The following YWHAB variants were observed in gnomAD, a reference collection of about 807,000 sequenced individuals.
YWHAB encodes the protein tyrosine 3-monooxygenase/tryptophan 5-monooxygenase activation protein beta, also known as 14-3-3 protein beta/alpha.
A neutral mutation model predicts 28.5 loss-of-function variants in YWHAB; 2 were observed. The ratio of observed to expected loss-of-function variants is 0.07; its 90% CI spans 0.03 to 0.22. The LOEUF (loss-of-function observed/expected upper bound fraction) is 0.22. Among genes scored for constraint, YWHAB ranks in the 10% least tolerant of loss-of-function variants. The pLI is 1.00. For synonymous variants in YWHAB, 103 were observed against 104.7 expected (o/e 0.98, Z 0.10); for missense variants, 148 against 297.1 (o/e 0.50, Z 3.69).
In YWHAB at chr20:44,901,618, A is replaced by C. The variant is rs923525230; in HGVS notation, c.85A>C (p.Lys29Gln). ...ATATGATGATATGGCTGCAGCCATG[A>C]AGGCAGTCACAGAACAGGGGCATGA... ...ERYDDMAAAMKAVTEQGHELS... is the reference protein window; with the variant it reads ...ERYDDMAAAMQAVTEQGHELS... Residue 29 changes from lysine to glutamine, a missense_variant, in exon 2 of 6, where the codon AAG becomes CAG. Physicochemically the swap from Lys to Gln is moderately conservative, Grantham distance 53 (BLOSUM62 1). Around this residue, in one of 2 missense-constraint regions of YWHAB, gnomAD observed 110 missense variants for 177.9 expected, o/e 0.62. Coordinates refer to ENST00000353703, the MANE Select transcript of YWHAB (RefSeq NM_139323.4). 1.9e-6 allele frequency: 3 copies of C among 1,614,056 alleles called. No individual in the cohort carries two copies. The African/African-American group carries it at 4.0e-5, about 22-fold the overall frequency.
intron 2 of YWHAB, chr20:44,902,145 C>T (rs1275636478): frequency 3.9e-6 from 1 of 254,504 alleles, no homozygotes; most frequent in African/African-American, 2.2e-5. Context: ...ATAGATACAG[C>T]TACAGATAGG....
chr20:44,888,148 A>G (rs1048072712), intron 1 of YWHAB, among the ~76,000 whole-genome samples: 4 of 152,260 alleles, frequency 2.6e-5, no homozygotes, highest in African/African-American at 4.8e-5. Context: ...TTGGGGTTCA[A>G]TAGATGTTAT....
At chr20:44,886,139 C>A (rs2066525861) in intron 1 of YWHAB, 2 of 152,318 alleles carry the variant, frequency 1.3e-5, no homozygotes, top group Non-Finnish European at 2.9e-5. Context: ...GGGTGCAACT[C>A]CGTACTGTGC....
intron 3 of YWHAB, among the ~76,000 whole-genome samples, chr20:44,904,533 A>G (rs552345213): frequency 1.4e-4 from 22 of 152,108 alleles, no homozygotes; most frequent in Non-Finnish European, 2.9e-4. Context: ...CTCTTCACAC[A>G]GCCTTACGAG....
Position 44,885,808 on chromosome 20 carries a change from T to C in YWHAB, c.-82T>C. On this transcript the variant is annotated 5_prime_UTR_variant, in exon 1 of 6. Coordinates refer to ENST00000353703, the MANE Select transcript of YWHAB (RefSeq NM_139323.4). ...GCAGGCACCGCTGCCGCCGCCTGAGTAGTGGGCTTAGGAAGGAAGAGGTCA... is the reference window on the plus strand; with the variant it reads ...GCAGGCACCGCTGCCGCCGCCTGAGCAGTGGGCTTAGGAAGGAAGAGGTCA... 1 of 166,350 alleles carries C rather than the reference T, an allele frequency of 6.0e-6. No homozygotes were observed. Among genetic ancestry groups the C allele is most frequent in the Non-Finnish European group, 1.3e-5 (1 of 77,368 alleles). 10.3% of individuals were successfully genotyped at this position (166,350 alleles called of 1,614,324 possible). A position where few individuals can be genotyped will look rare whatever the true frequency, so the allele number is the denominator to read the frequency against.
At chr20:44,887,157 A>G (rs990961529) in intron 1 of YWHAB, 3 of 152,038 alleles carry the variant, frequency 2.0e-5, no homozygotes, top group Non-Finnish European at 2.9e-5. Flanking sequence ...AGTGTACCCT[A>G]TTTCTTACTT....
At chr20:44,905,213 A>C in intron 4 of YWHAB, 82 bp downstream of exon 4, 129 of 1,426,022 alleles carry the variant, frequency 9.0e-5, no homozygotes, top group Middle Eastern at 1.8e-4. Context: ...GAACATACTC[A>C]TTGTCTTGGA....
intron 4 of YWHAB, 21 bp downstream of exon 4, chr20:44,905,152 T>A (rs1287806463): frequency 1.3e-6 from 2 of 1,590,836 alleles, no homozygotes; most frequent in Non-Finnish European, 1.7e-6. Context: ...CCCTTTGTGA[T>A]ATCTAACCAT....
At chr20:44,891,102 C>T (rs896440732) in intron 1 of YWHAB, among the ~76,000 whole-genome samples, 1 of 151,924 alleles carries the variant, frequency 6.6e-6, no homozygotes, top group African/African-American at 2.4e-5. Context: ...TTACAGGAAC[C>T]CTAGTAAGTA....
At chr20:44,891,646 TCA>T (rs200037216) in intron 1 of YWHAB, among the ~76,000 whole-genome samples, 1,370 of 133,738 alleles carry the variant, frequency 0.01, 17 homozygotes, top group African/African-American at 0.034. Flanking sequence ...TACCATTAAG[TCA>T]CATGTGTAAC....
intron 1 of YWHAB, chr20:44,886,098 T>C (rs1343510426): frequency 6.6e-6 from 1 of 152,208 alleles, no homozygotes; most frequent in Non-Finnish European, 1.5e-5. Flanking sequence ...TTGGAGAGGC[T>C]CGGGCCGCCT....
At chr20:44,901,417 A>G (rs2066625617) in intron 1 of YWHAB, 114 bp from the exon 2 acceptor site, 1 of 1,062,566 alleles carries the variant, frequency 9.4e-7, no homozygotes, top group Non-Finnish European at 1.4e-6. Context: ...TTGGAATGAG[A>G]TGTTTCACAT....
In YWHAB at chr20:44,901,706, G is replaced by A. The variant is rs11556823; in HGVS notation, c.173G>A (p.Arg58His). The part of the protein sequence containing the change: ...VAYKNVVGAR[R>H]SSWRVISSIE... ...TACAAGAATGTGGTAGGCGCCCGCC[G>A]CTCTTCCTGGCGTGTCATCTCCAGC... The change falls in exon 2 of 6, where the codon CGC (arginine) becomes CAC (histidine). Residue 58 changes from arginine (R) to histidine (H), a missense_variant. Physicochemically the swap from Arg to His is conservative, Grantham distance 29 (BLOSUM62 0). Around this residue, in one of 2 missense-constraint regions of YWHAB, gnomAD observed 110 missense variants for 177.9 expected, o/e 0.62. Coordinates refer to ENST00000353703, the MANE Select transcript of YWHAB (RefSeq NM_139323.4). 1 of 1,614,084 alleles carries A rather than the reference G, an allele frequency of 6.2e-7. No homozygotes were observed. The highest frequency in any genetic ancestry group is 1.3e-5 in the African/African-American group (1 of 75,052).
At chr20:44,891,031 T>G (rs1319744211) in intron 1 of YWHAB, among the ~76,000 whole-genome samples, 2 of 152,244 alleles carry the variant, frequency 1.3e-5, no homozygotes, top group African/African-American at 4.8e-5. Context: ...TTGTGTGGAA[T>G]GTACTGTGGT....
At chr20:44,892,300 A>G (rs1178420297) in intron 1 of YWHAB, among the ~76,000 whole-genome samples, 2 of 152,144 alleles carry the variant, frequency 1.3e-5, no homozygotes, top group Admixed American at 6.5e-5. Flanking sequence ...AAAAACATAC[A>G]TGCACTTTAT....
intron 5 of YWHAB, 73 bp downstream of exon 5, chr20:44,906,169 G>T: frequency 7.6e-7 from 1 of 1,315,534 alleles, no homozygotes; most frequent in Non-Finnish European, 1.1e-6. Flanking sequence ...TTATCTTCAA[G>T]AGGGGATTTG....
At chr20:44,904,869 C>G in intron 3 of YWHAB, 99 bp from the exon 4 acceptor site, 1 of 1,237,594 alleles carries the variant, frequency 8.1e-7, no homozygotes, top group Non-Finnish European at 1.1e-6. Flanking sequence ...GTCATTGCTC[C>G]TGCCCAGTTT....
At position 44,889,112 on chromosome 20, in the gene YWHAB, A is replaced by G. The variant is rs1186861654; in HGVS notation, c.-4+3226A>G. Among the ~76,000 whole-genome samples the G allele has an allele frequency of 2.6e-5, 4 of 152,190 alleles. No individual in the cohort carries two copies. In the South Asian group the frequency reaches 8.3e-4, roughly 31 times the overall value. On this transcript the variant is annotated intron_variant, in intron 1 of 5. Transcript: ENST00000353703. ...TACATTTTTCTAGGGAAAGATGACA[A>G]TTCACTAGTTAAGGGGCAAGAAATT...
At chr20:44,890,155 G>A (rs2066551930) in intron 1 of YWHAB, among the ~76,000 whole-genome samples, 1 of 152,130 alleles carries the variant, frequency 6.6e-6, no homozygotes, top group African/African-American at 2.4e-5. Context: ...TTTGTATAGC[G>A]AACTGATTGG....
Sources: allele counts gnomAD v4.1 joint callset (sites outside exome capture counted in the v4.1 genomes callset), GRCh38; gene constraint gnomAD v4.1.1; regional missense constraint gnomAD v4.1.1; transcripts MANE v1.5; gene names NCBI Gene and HGNC (gene_info 2026-07-23, HGNC 2026-07-21).